The following FOXK2 variants were observed in gnomAD, a reference collection of about 807,000 sequenced individuals.
FOXK2 encodes forkhead box protein K2.
FOXK2 carries 24 observed loss-of-function variants against 53.3 expected under a neutral mutation model. The ratio of observed to expected loss-of-function variants is 0.45; its 90% CI spans 0.33 to 0.63. The LOEUF (loss-of-function observed/expected upper bound fraction) is 0.63, where lower values mean the gene tolerates loss of function less well. FOXK2 is among the 30% of genes least tolerant of loss of function. The probability of loss-of-function intolerance (pLI) is 0.03; values close to 1 mark genes in which losing one functional copy is unlikely to be tolerated. For missense variants in FOXK2, 952 were observed against 910.5 expected (o/e 1.05, Z -0.59); for synonymous variants, 505 against 407.1 (o/e 1.24, Z -2.89).
chr17:82,583,837 C>A (rs186874744), intron 5 of FOXK2, among the ~76,000 whole-genome samples, 176 bp from the exon 6 acceptor site: 1 of 152,190 alleles, frequency 6.6e-6, no homozygotes, highest in Non-Finnish European at 1.5e-5. Context: ...TCTGTCTACC[C>A]GAGTGTCCCG....
chr17:82,573,793 G>T (rs2044950390), intron 4 of FOXK2, among the ~76,000 whole-genome samples: 1 of 152,212 alleles, frequency 6.6e-6, no homozygotes, highest in African/African-American at 2.4e-5. Context: ...AGCTTTATTA[G>T]ACTCTAATGT....
intron 1 of FOXK2, among the ~76,000 whole-genome samples, chr17:82,544,429 A>T (rs2044603542): frequency 1.3e-5 from 2 of 152,040 alleles, no homozygotes; most frequent in South Asian, 4.1e-4. Flanking sequence ...GGTACAGTAC[A>T]CACACACACG....
rs2044727732 is a variant in FOXK2, at chr17:82,556,593, G to A, written c.420-6761G>A. ...GGGGCTGGGGCTGGGGCTGGGGCTG[G>A]GCTTGTTCTGTGGCAGCCAGGATGG... On this transcript the variant is annotated intron_variant, in intron 1 of 8. Coordinates refer to ENST00000335255, the MANE Select transcript of FOXK2 (RefSeq NM_004514.4). 2.0e-5 allele frequency among the ~76,000 whole-genome samples: 3 copies of A among 151,744 alleles called. No homozygotes were observed. The South Asian group carries it at 6.3e-4, about 32-fold the overall frequency.
At chr17:82,598,510 T>C (rs989786502) in intron 8 of FOXK2, among the ~76,000 whole-genome samples, 29 of 152,326 alleles carry the variant, frequency 1.9e-4, no homozygotes, top group Middle Eastern at 3.4e-3. Context: ...TGGAAGACTT[T>C]AGCATGAACA....
chr17:82,586,060 C>G lies in FOXK2; in HGVS notation c.1436C>G (p.Ala479Gly). 1 of 1,612,814 alleles carries G rather than the reference C, an allele frequency of 6.2e-7. No individual in the cohort carries two copies. The highest frequency in any genetic ancestry group is 8.5e-7 in the Non-Finnish European group (1 of 1,179,990). The change falls in exon 7 of 9, where the codon GCG becomes GGG. Residue 479 changes from alanine to glycine, a missense_variant. By Grantham distance (60) the Ala-to-Gly change is moderately conservative (BLOSUM62 0). Transcript: ENST00000335255. ...GTTCACGTCGTCCACCAGATCCCAG[C>G]GGTGTCGGTCACCAGTGTGGCCGGA... ...QTVHVVHQIP[A>G]VSVTSVAGLA...
At chr17:82,576,381 C>G (rs964749972) in intron 4 of FOXK2, among the ~76,000 whole-genome samples, 1 of 152,206 alleles carries the variant, frequency 6.6e-6, no homozygotes, top group Non-Finnish European at 1.5e-5. Flanking sequence ...AGAGAAGTGT[C>G]TCCTTGAGGA....
In FOXK2 at chr17:82,565,658, ATAGTGT is replaced by A. The variant is rs537191297; in HGVS notation, c.614+2116_614+2121del. The stretch of plus-strand genomic sequence containing the variant: ...CTATTAAAAACAAAAAACCCAGAAA[ATAGTGT>A]TAGTGAGGATGTGGAGAAATTGGAA... On this transcript the variant is annotated intron_variant, in intron 2 of 8. Coordinates refer to ENST00000335255, the MANE Select transcript of FOXK2 (RefSeq NM_004514.4). Among the ~76,000 whole-genome samples, 30 of 152,290 alleles carry A rather than the reference ATAGTGT, an allele frequency of 2.0e-4. No individual in the cohort carries two copies. The East Asian group carries it at 5.6e-3, about 28-fold the overall frequency.
chr17:82,582,304 C>G (rs984222657), intron 4 of FOXK2, among the ~76,000 whole-genome samples: 1 of 152,116 alleles, frequency 6.6e-6, no homozygotes, highest in Non-Finnish European at 1.5e-5. Context: ...GATTGCTCAT[C>G]CCTCCTGTTG....
intron 4 of FOXK2, chr17:82,577,054 C>G (rs566640811): frequency 2.6e-5 from 11 of 430,836 alleles, no homozygotes; most frequent in Admixed American, 7.7e-5. Flanking sequence ...CCCAGCTACT[C>G]AGGAGGCTGA....
At position 82,548,659 on chromosome 17, in the gene FOXK2, A is replaced by G. The variant is rs528687691; in HGVS notation, c.420-14695A>G. ...ATTTTTCACTTAGAGGTGTACAGTCAAAAGCATTTGGAGGCTACTGCTCAG... is the reference window on the plus strand; with the variant it reads ...ATTTTTCACTTAGAGGTGTACAGTCGAAAGCATTTGGAGGCTACTGCTCAG... On this transcript the variant is annotated intron_variant, in intron 1 of 8. Transcript: ENST00000335255. Among the ~76,000 whole-genome samples the G allele has an allele frequency of 2.2e-4, 34 of 152,330 alleles. 1 individual carries two copies. Among genetic ancestry groups the G allele is most frequent in the South Asian group, 1.7e-3 (8 of 4,826 alleles).
At chr17:82,586,974 A>G in intron 7 of FOXK2, 89 bp from the exon 8 acceptor site, 5 of 1,160,148 alleles carry the variant, frequency 4.3e-6, no homozygotes, top group Non-Finnish European at 6.4e-6. Context: ...AGCAGGTGTG[A>G]TAGCTATCTG....
At chr17:82,529,244 A>T (rs1452772781) in intron 1 of FOXK2, among the ~76,000 whole-genome samples, 2 of 108,200 alleles carry the variant, frequency 1.8e-5, no homozygotes, top group East Asian at 5.3e-4. Flanking sequence ...TTTTTTTGAG[A>T]CAGGGTCTTG....
At chr17:82,579,175 G>A (rs1019399941) in intron 4 of FOXK2, among the ~76,000 whole-genome samples, 16 of 152,140 alleles carry the variant, frequency 1.1e-4, no homozygotes, top group Non-Finnish European at 1.8e-4. Context: ...TATTACCATC[G>A]TGTGGGTTTG....
At chr17:82,556,002 C>T (rs989197136) in intron 1 of FOXK2, among the ~76,000 whole-genome samples, 12 of 149,760 alleles carry the variant, frequency 8.0e-5, no homozygotes. Context: ...TTGCTCATTT[C>T]TACATCCATC....
At chr17:82,601,182 G>A in intron 8 of FOXK2, 121 bp from the exon 9 acceptor site, 1 of 1,086,532 alleles carries the variant, frequency 9.2e-7, no homozygotes, top group Non-Finnish European at 1.3e-6. Flanking sequence ...CCCTTAGAGG[G>A]CGAGAGTTCA....
At chr17:82,574,233 C>T (rs1429262108) in intron 4 of FOXK2, among the ~76,000 whole-genome samples, 2 of 152,252 alleles carry the variant, frequency 1.3e-5, no homozygotes, top group Non-Finnish European at 2.9e-5. Context: ...ACTCCTGTGT[C>T]ATTTCATGCC....
At position 82,582,792 on chromosome 17, in the gene FOXK2, C is replaced by T. The variant is rs139388643; in HGVS notation, c.961C>T (p.Arg321Cys). 1.2e-6 allele frequency: 2 copies of T among 1,608,898 alleles called. No individual in the cohort carries two copies. Among genetic ancestry groups the T allele is most frequent in the Non-Finnish European group, 1.7e-6 (2 of 1,178,690 alleles). Residue 321 changes from arginine to cysteine, a missense_variant, in exon 5 of 9, where the codon CGT becomes TGT. Physicochemically the swap from Arg to Cys is radical, Grantham distance 180. Around this residue, in one of 5 missense-constraint regions of FOXK2, gnomAD observed 160 missense variants for 214.2 expected, o/e 0.75. Coordinates refer to ENST00000335255, the MANE Select transcript of FOXK2 (RefSeq NM_004514.4). ...SLNRYFIKVP[R>C]SQEEPGKGSF... ...GAATCGTTATTTCATCAAAGTGCCGCGTTCCCAGGAAGAACCAGGCAAAGG... is the reference window on the plus strand; with the variant it reads ...GAATCGTTATTTCATCAAAGTGCCGTGTTCCCAGGAAGAACCAGGCAAAGG...
At chr17:82,546,774 C>T (rs1017022208) in intron 1 of FOXK2, among the ~76,000 whole-genome samples, 1 of 152,040 alleles carries the variant, frequency 6.6e-6, no homozygotes, top group South Asian at 2.1e-4. Context: ...ACCTAAAACT[C>T]GCTTTTAAAT....
intron 8 of FOXK2, 82 bp downstream of exon 8, chr17:82,587,354 C>T: frequency 9.1e-7 from 1 of 1,095,112 alleles, no homozygotes; most frequent in South Asian, 1.3e-5. Context: ...TCGGTTCTGA[C>T]TGTAACAATT....
Sources: gnomAD v4.1 joint callset for allele counts (sites outside exome capture counted in the v4.1 genomes callset) on GRCh38, gnomAD v4.1.1 for gene constraint, gnomAD v4.1.1 regional missense constraint, MANE v1.5 for transcripts, NCBI Gene and HGNC (gene_info 2026-07-23, HGNC 2026-07-21) for gene names.